ZBTB2: variants seen among roughly 807,000 people sequenced by gnomAD.
ZBTB2 encodes the protein zinc finger and BTB domain-containing protein 2.
ZBTB2 carries 2 observed loss-of-function variants against 39.5 expected under a neutral mutation model. That is an observed-to-expected ratio of 0.05 (90% CI 0.02 to 0.16). The LOEUF is 0.16. ZBTB2 is among the 10% of genes least tolerant of loss of function. The pLI, the probability that ZBTB2 is intolerant of heterozygous loss-of-function variation, is 1.00. For missense variants in ZBTB2, 391 were observed against 653.0 expected (o/e 0.60, Z 4.37); for synonymous variants, 251 against 256.6 (o/e 0.98, Z 0.21).
intron 1 of ZBTB2, among the ~76,000 whole-genome samples, chr6:151,374,217 T>G (rs186439053): frequency 3.0e-3 from 459 of 152,300 alleles, no homozygotes; most frequent in Non-Finnish European, 5.4e-3. Context: ...GCTCCTGCTG[T>G]GTGCTCCTGC....
Position 151,365,597 on chromosome 6 carries a change from T to A in ZBTB2, c.1469A>T (p.Asp490Val), listed in dbSNP as rs1266996520. The A allele has an allele frequency of 6.2e-7, 1 of 1,613,940 alleles. No individual in the cohort carries two copies. Among genetic ancestry groups the A allele is most frequent in the Non-Finnish European group, 8.5e-7 (1 of 1,180,018 alleles). The change falls in exon 3 of 3, where the codon GAC becomes GTC. Residue 490 changes from aspartate to valine, a missense_variant. Physicochemically the swap from Asp to Val is radical, Grantham distance 152. Around this residue, in one of 7 missense-constraint regions of ZBTB2, gnomAD observed 49 missense variants for 55.6 expected, o/e 0.88. Transcript: ENST00000325144. The surrounding 1 kb of genome is among the most constrained non-coding windows in gnomAD (Gnocchi z 5.6). ...GTGGTCAGGCTCCGTTACTTCCGAGTCCCCACTGCCCAGGAGAATGGATCG... is the reference window on the plus strand; with the variant it reads ...GTGGTCAGGCTCCGTTACTTCCGAGACCCCACTGCCCAGGAGAATGGATCG... ...EGRSILLGSG[D>V]SEVTEPDHPV...
At chr6:151,374,131 T>G (rs534231984) in intron 1 of ZBTB2, among the ~76,000 whole-genome samples, 1 of 152,136 alleles carries the variant, frequency 6.6e-6, no homozygotes, top group South Asian at 2.1e-4. Context: ...TCCACAGAGA[T>G]AGATAAATTA....
intron 1 of ZBTB2, among the ~76,000 whole-genome samples, chr6:151,390,667 C>CGCAGCAGTAGCG (rs1263891169): frequency 2.2e-4 from 34 of 151,748 alleles, no homozygotes; most frequent in African/African-American, 7.5e-4. Flanking sequence ...GAGGCGGAGC[C>CGCAGCAGTAGCG]GCAGCAGTAG....
chr6:151,388,322 G>T (rs560259920), intron 1 of ZBTB2, among the ~76,000 whole-genome samples: 1 of 152,320 alleles, frequency 6.6e-6, no homozygotes, highest in African/African-American at 2.4e-5. Flanking sequence ...GGCTAGGAAT[G>T]AAGCACCAAG....
chr6:151,371,038 C>T (rs964150781), intron 2 of ZBTB2, among the ~76,000 whole-genome samples: 2 of 152,206 alleles, frequency 1.3e-5, no homozygotes, highest in Non-Finnish European at 2.9e-5. Context: ...TTAAAATTGC[C>T]TCCTTTTCAA....
Position 151,364,663 on chromosome 6 carries a change from C to T in ZBTB2, c.*858G>A, listed in dbSNP as rs1402209000. ...TTAGTGTAAAACAAATTATCACTGG[C>T]AGCTGCTAGAAAATGGCATGTCATG... On this transcript the variant is annotated 3_prime_UTR_variant, in exon 3 of 3. Coordinates refer to ENST00000325144, the MANE Select transcript of ZBTB2 (RefSeq NM_020861.3). 1.3e-5 allele frequency: 2 copies of T among 152,304 alleles called. No individual in the cohort carries two copies. Among genetic ancestry groups the T allele is most frequent in the East Asian group, 3.9e-4 (2 of 5,192 alleles). The allele number at this position is 152,304 out of a possible 1,614,324, so 9.4% of individuals were successfully genotyped here.
chr6:151,369,585 C>T (rs1305159108), intron 2 of ZBTB2, among the ~76,000 whole-genome samples: 3 of 151,940 alleles, frequency 2.0e-5, no homozygotes, highest in African/African-American at 7.3e-5. Flanking sequence ...CTTGGGATTA[C>T]AGCATTGGGA....
At chr6:151,384,423 T>G (rs1192327752) in intron 1 of ZBTB2, among the ~76,000 whole-genome samples, 2 of 152,162 alleles carry the variant, frequency 1.3e-5, no homozygotes, top group East Asian at 3.9e-4. Context: ...AGGAGACAAC[T>G]GCTAGTGGTC....
chr6:151,366,661 A>C lies in ZBTB2; in HGVS notation c.405T>G (p.Ile135Met). The change falls in exon 3 of 3, where the codon ATT becomes ATG. Residue 135 changes from isoleucine (I) to methionine (M), a missense_variant. By Grantham distance (10) the Ile-to-Met change is conservative. Coordinates refer to ENST00000325144, the MANE Select transcript of ZBTB2 (RefSeq NM_020861.3). The surrounding 1 kb of genome is among the most constrained non-coding windows in gnomAD (Gnocchi z 7.1). ...GTCTCAACTGATGATCTGCAATCTG[A>C]ATGCCATACAATGAAGAAGCCAGTG... The part of the protein sequence containing the change: ...VFPLASSLYG[I>M]QIADHQLRQA... 2 of 1,614,118 alleles carry C rather than the reference A, an allele frequency of 1.2e-6. No individual in the cohort carries two copies. The highest frequency in any genetic ancestry group is 1.7e-6 in the Non-Finnish European group (2 of 1,180,014).
rs140845831 is a variant in ZBTB2 at position 151,365,621 on chromosome 6, C to T, written c.1445G>A (p.Arg482Gln). 16 of 1,614,078 alleles carry T rather than the reference C, an allele frequency of 9.9e-6. No individual in the cohort carries two copies. The highest frequency in any genetic ancestry group is 5.3e-5 in the African/African-American group (4 of 74,918). Residue 482 changes from arginine (R) to glutamine (Q), a missense_variant, in exon 3 of 3, where the codon CGA (arginine) becomes CAA (glutamine). Physicochemically the swap from Arg to Gln is conservative, Grantham distance 43. Around this residue, in one of 7 missense-constraint regions of ZBTB2, gnomAD observed 49 missense variants for 55.6 expected, o/e 0.88. Coordinates refer to ENST00000325144, the MANE Select transcript of ZBTB2 (RefSeq NM_020861.3). This position sits in a 1 kb window ranked among gnomAD's most constrained non-coding sequence, Gnocchi z 5.6. Reference protein sequence around the residue: ...NSDVFALDEGRSILLGSGDSE... With the variant: ...NSDVFALDEGQSILLGSGDSE... ...GTCCCCACTGCCCAGGAGAATGGATCGCCCTTCGTCTAGGGCAAAAACATC... is the reference window on the plus strand; with the variant it reads ...GTCCCCACTGCCCAGGAGAATGGATTGCCCTTCGTCTAGGGCAAAAACATC...
At position 151,365,689 on chromosome 6, in the gene ZBTB2, A is replaced by G; in HGVS notation, c.1377T>C (p.Thr459=). Residue 459 remains threonine (T), a synonymous_variant, in exon 3 of 3, where the codon ACT becomes ACC. Transcript: ENST00000325144. The surrounding 1 kb of genome is among the most constrained non-coding windows in gnomAD (Gnocchi z 5.6). ...ATGAATGTTTAACAACCTCATTGGG[A>G]GTGGAGAATGTTTTGTCACACAAGT... ...KCNLCDKTFS[T]PNEVVKHSCQ... is the part of the protein sequence containing the mutation. 2.5e-6 allele frequency: 4 copies of G among 1,614,144 alleles called. No individual in the cohort carries two copies. Among genetic ancestry groups the G allele is most frequent in the Non-Finnish European group, 3.4e-6 (4 of 1,180,026 alleles).
Position 151,366,360 on chromosome 6 carries a change from T to C in ZBTB2, c.706A>G (p.Ile236Val). The change falls in exon 3 of 3, where the codon ATA (isoleucine) becomes GTA (valine). Residue 236 changes from isoleucine (I) to valine (V), a missense_variant. Physicochemically the swap from Ile to Val is conservative, Grantham distance 29. Transcript: ENST00000325144. The surrounding 1 kb of genome is among the most constrained non-coding windows in gnomAD (Gnocchi z 7.1). ...ATGATGCTTGGCTTGACGTGGGCTATTGTGAGGGACGCAGGCTGCTCATCG... is the reference window on the plus strand; with the variant it reads ...ATGATGCTTGGCTTGACGTGGGCTACTGTGAGGGACGCAGGCTGCTCATCG... ...SSDEQPASLT[I>V]AHVKPSIMKR... The C allele has an allele frequency of 1.2e-6, 2 of 1,614,066 alleles. No individual in the cohort carries two copies. Among genetic ancestry groups the C allele is most frequent in the Non-Finnish European group, 1.7e-6 (2 of 1,180,006 alleles).
chr6:151,367,217 T>G lies in ZBTB2; in HGVS notation c.174-325A>C, dbSNP rs182149464. On this transcript the variant is annotated intron_variant, in intron 2 of 2. Transcript: ENST00000325144. ...CTCACTGCAAGCTCCGCCTCCCAGG[T>G]TCAAGTGATTCTCCTGCCTCAGCCT... 2.0e-5 allele frequency among the ~76,000 whole-genome samples: 3 copies of G among 151,784 alleles called. No individual in the cohort carries two copies. The East Asian group carries it at 5.8e-4, about 29-fold the overall frequency.
intron 1 of ZBTB2, among the ~76,000 whole-genome samples, chr6:151,380,636 C>T (rs1779013076): frequency 6.6e-6 from 1 of 152,170 alleles, no homozygotes; most frequent in African/African-American, 2.4e-5. Flanking sequence ...GTGGCTTACT[C>T]AGCCTCTTGG....
At chr6:151,382,348 C>T (rs1448965652) in intron 1 of ZBTB2, among the ~76,000 whole-genome samples, 3 of 150,592 alleles carry the variant, frequency 2.0e-5, no homozygotes, top group African/African-American at 7.4e-5. Context: ...CTCCGCCTCC[C>T]GGGTTCAAGC....
intron 1 of ZBTB2, among the ~76,000 whole-genome samples, chr6:151,376,402 A>C (rs968058155): frequency 6.6e-6 from 1 of 152,224 alleles, no homozygotes; most frequent in Non-Finnish European, 1.5e-5. Context: ...TGAAAACACA[A>C]GCTCAAAGAC....
chr6:151,380,358 C>T (rs542514401), intron 1 of ZBTB2, among the ~76,000 whole-genome samples: 91 of 152,332 alleles, frequency 6.0e-4, no homozygotes, highest in African/African-American at 2.1e-3. Context: ...TGGGCTCCAC[C>T]CTGGCCCCTG....
intron 1 of ZBTB2, among the ~76,000 whole-genome samples, chr6:151,375,667 C>T (rs1392769096): frequency 6.6e-6 from 1 of 152,202 alleles, no homozygotes; most frequent in Non-Finnish European, 1.5e-5. Flanking sequence ...AGCAATTCTC[C>T]TGCCTCAGCC....
At chr6:151,373,870 A>AAAACAAAACAAAAC (rs1554336608) in intron 1 of ZBTB2, among the ~76,000 whole-genome samples, 9 of 123,568 alleles carry the variant, frequency 7.3e-5, no homozygotes, top group African/African-American at 3.2e-4. Context: ...AAAAAAAAAA[A>AAAACAAAACAAAAC]AAAAAAACCA....
Sources: allele counts gnomAD v4.1 joint callset (sites outside exome capture counted in the v4.1 genomes callset), GRCh38; gene constraint gnomAD v4.1.1; regional missense constraint gnomAD v4.1.1; non-coding constraint Gnocchi (gnomAD v3.1); transcripts MANE v1.5; gene names NCBI Gene and HGNC (gene_info 2026-07-23, HGNC 2026-07-21).